The following HDDC2 variants were observed in gnomAD, a reference collection of about 807,000 sequenced individuals.
HDDC2 encodes the protein HD domain containing 2.
HDDC2 carries 25 observed loss-of-function variants against 25.5 expected under a neutral mutation model. The observed-to-expected ratio is 0.98, with a 90% CI of 0.72 to 1.37. The LOEUF (loss-of-function observed/expected upper bound fraction) is 1.37. HDDC2 is among the 40% of genes most tolerant of loss of function. The probability of loss-of-function intolerance (pLI) is 0.00; values close to 1 mark genes in which losing one functional copy is unlikely to be tolerated. For synonymous variants in HDDC2, 106 were observed against 89.7 expected (o/e 1.18, Z -1.03); for missense variants, 264 against 253.1 (o/e 1.04, Z -0.29).
chr6:125,292,733 T>C (rs1222350175), intron 4 of HDDC2, 108 bp downstream of exon 4: 1 of 841,186 alleles, frequency 1.2e-6, no homozygotes, highest in African/African-American at 1.7e-5. Context: ...AACCAGACAG[T>C]AATAAGTTAG....
Position 125,287,077 on chromosome 6 carries a change from C to A in HDDC2, c.378+5764G>T, listed in dbSNP as rs573725390. Among the ~76,000 whole-genome samples the A allele has an allele frequency of 2.6e-5, 4 of 152,230 alleles. No homozygotes were observed. In the East Asian group the frequency reaches 7.7e-4, roughly 29 times the overall value. Reference sequence around the variant, plus strand: ...TAAGAGAACAGAGGAACGTGACCTGCACCACAAGTGTGCAACTGGGAAACT... The same window carrying A: ...TAAGAGAACAGAGGAACGTGACCTGAACCACAAGTGTGCAACTGGGAAACT... On this transcript the variant is annotated intron_variant, in intron 4 of 5. Transcript: ENST00000398153.
In HDDC2 at chr6:125,276,174, G is replaced by A. The variant is rs1798365780; in HGVS notation, c.587C>T (p.Ala196Val). 4 of 1,613,862 alleles carry A rather than the reference G, an allele frequency of 2.5e-6. No homozygotes were observed. Among genetic ancestry groups the A allele is most frequent in the Non-Finnish European group, 3.4e-6 (4 of 1,179,744 alleles). The stretch of plus-strand genomic sequence containing the variant: ...GGAGTGTGGCTCACTGGCAGCTGCA[G>A]CTATGTTAGTGCTTCTTTCTGCCTC... Reference protein sequence around the residue: ...ELEAERSTNIAAAASEPHS With the variant: ...ELEAERSTNIVAAASEPHS Residue 196 changes from alanine to valine, a missense_variant, in exon 6 of 6, where the codon GCT (alanine) becomes GTT (valine). Transcript: ENST00000398153.
chr6:125,301,869 G>A lies in HDDC2; in HGVS notation c.64C>T (p.Arg22Trp). ...HGARSLLQFL[R>W]LVGQLKRVPR... The stretch of plus-strand genomic sequence containing the variant: ...CTCACCTTGAGCTGCCCTACCAGCC[G>A]CAGGAACTGCAGTAGGGACCGAGCC... Residue 22 changes from arginine to tryptophan, a missense_variant, in exon 1 of 6, where the codon CGG (arginine) becomes TGG (tryptophan). Transcript: ENST00000398153. The A allele has an allele frequency of 4.5e-6, 7 of 1,547,850 alleles. No individual in the cohort carries two copies. In the East Asian group the frequency reaches 7.3e-5, roughly 16 times the overall value.
At chr6:125,281,634 T>C (rs1798458413) in intron 4 of HDDC2, among the ~76,000 whole-genome samples, 2 of 151,918 alleles carry the variant, frequency 1.3e-5, no homozygotes, top group South Asian at 4.2e-4. Flanking sequence ...TTTAATGAAA[T>C]AAAGTGTGAA....
chr6:125,287,878 T>C (rs960439447), intron 4 of HDDC2, among the ~76,000 whole-genome samples: 1 of 152,098 alleles, frequency 6.6e-6, no homozygotes, highest in African/African-American at 2.4e-5. Context: ...GCCGCCACAG[T>C]GTCAGGCAGC....
At chr6:125,294,407 GGTA>G (rs1245252808) in intron 3 of HDDC2, among the ~76,000 whole-genome samples, 1 of 152,064 alleles carries the variant, frequency 6.6e-6, no homozygotes, top group Non-Finnish European at 1.5e-5. Flanking sequence ...GTTACAGAGT[GGTA>G]GCATCACACT....
At chr6:125,291,854 C>A (rs1055154198) in intron 4 of HDDC2, among the ~76,000 whole-genome samples, 9 of 152,070 alleles carry the variant, frequency 5.9e-5, no homozygotes, top group African/African-American at 2.2e-4. Context: ...AATGACAGTG[C>A]CATACAGAAT....
chr6:125,281,078 C>T (rs1329985984), intron 4 of HDDC2, among the ~76,000 whole-genome samples: 1 of 152,176 alleles, frequency 6.6e-6, no homozygotes, highest in Non-Finnish European at 1.5e-5. Context: ...CTGGAGTGGA[C>T]CCTCAGCAAA....
chr6:125,277,232 C>T lies in HDDC2; in HGVS notation c.387G>A (p.Glu129=), dbSNP rs766188818. Residue 129 remains glutamate, a synonymous_variant, in exon 5 of 6, where the codon GAG becomes GAA. Transcript: ENST00000398153. ...ATTTGGCTTCTGCACTAGATTGGGT[C>T]TCGTACTCCTAAGTAAAGGGACAAT... ...KELYELWEEY[E]TQSSAEAKFV... 4.0e-5 allele frequency: 65 copies of T among 1,614,014 alleles called. No homozygotes were observed. The highest frequency in any genetic ancestry group is 5.4e-5 in the Non-Finnish European group (64 of 1,179,950).
intron 1 of HDDC2, among the ~76,000 whole-genome samples, chr6:125,301,431 C>T (rs992654190): frequency 8.3e-6 from 1 of 120,056 alleles, no homozygotes; most frequent in Non-Finnish European, 1.7e-5. Flanking sequence ...TGCTCAGAAG[C>T]AGCCGCGCTT....
At chr6:125,293,366 T>C (rs1174558187) in intron 3 of HDDC2, 1 of 206,138 alleles carries the variant, frequency 4.9e-6, no homozygotes, top group African/African-American at 2.3e-5. Flanking sequence ...CATTTTCTAT[T>C]GTTAACATGT....
intron 4 of HDDC2, among the ~76,000 whole-genome samples, chr6:125,279,589 C>T (rs1583048436): frequency 1.3e-5 from 2 of 152,172 alleles, no homozygotes; most frequent in South Asian, 4.1e-4. Context: ...GCTTGCTTAG[C>T]CATTCCACAA....
At chr6:125,297,702 C>T (rs1798725313) in intron 3 of HDDC2, 7 of 393,534 alleles carry the variant, frequency 1.8e-5, no homozygotes, top group Admixed American at 8.8e-5. Context: ...TACTACTCAG[C>T]AATTTAGGAC....
intron 4 of HDDC2, among the ~76,000 whole-genome samples, chr6:125,283,130 G>C (rs896726496): frequency 6.6e-6 from 1 of 152,080 alleles, no homozygotes; most frequent in Non-Finnish European, 1.5e-5. Flanking sequence ...TCATGCTAAA[G>C]ACTCTCAATA....
At position 125,292,918 on chromosome 6, in the gene HDDC2, T is replaced by C. The variant is rs370664774; in HGVS notation, c.310-9A>G. 4 of 1,595,586 alleles carry C rather than the reference T, an allele frequency of 2.5e-6. No individual in the cohort carries two copies. Among genetic ancestry groups the C allele is most frequent in the East Asian group, 2.2e-5 (1 of 44,806 alleles). ...ATCTGCTTCATAGCTTCCTGAAATA[T>C]TAAACCATTATCTTTAATTATATTG... On this transcript the variant is annotated splice_polypyrimidine_tract_variant and intron_variant, in intron 3 of 5. Transcript: ENST00000398153.
intron 4 of HDDC2, among the ~76,000 whole-genome samples, chr6:125,283,467 G>T (rs1298592352): frequency 1.3e-5 from 2 of 152,194 alleles, no homozygotes; most frequent in East Asian, 3.8e-4. Flanking sequence ...CTTCAGCAAA[G>T]CCTCAGGATA....
At chr6:125,286,254 C>T (rs1158190568) in intron 4 of HDDC2, among the ~76,000 whole-genome samples, 1 of 151,996 alleles carries the variant, frequency 6.6e-6, no homozygotes, top group Non-Finnish European at 1.5e-5. Context: ...AGAAGTAAAA[C>T]CAAATGCAGT....
In HDDC2 at chr6:125,301,941, C is replaced by A. The variant is rs1025043100; in HGVS notation, c.-9G>T. On this transcript the variant is annotated 5_prime_UTR_variant, in exon 1 of 6. Coordinates refer to ENST00000398153, the MANE Select transcript of HDDC2 (RefSeq NM_016063.3). ...GAGGAGACCGAAGCCATGCGGCCAC[C>A]GACCCCGGCTGGGCGGAGCAGGCCG... 3 of 1,546,798 alleles carry A rather than the reference C, an allele frequency of 1.9e-6. No individual in the cohort carries two copies. The highest frequency in any genetic ancestry group is 2.4e-5 in the South Asian group (2 of 84,058).
At chr6:125,276,313 T>A in intron 5 of HDDC2, 70 bp from the exon 6 acceptor site, 1 of 1,196,112 alleles carries the variant, frequency 8.4e-7, no homozygotes, top group Non-Finnish European at 1.2e-6. Flanking sequence ...TTCCCCAGCT[T>A]GATCCCAGGG....
Sources: allele counts gnomAD v4.1 joint callset (sites outside exome capture counted in the v4.1 genomes callset), GRCh38; gene constraint gnomAD v4.1.1; transcripts MANE v1.5; gene names NCBI Gene and HGNC (gene_info 2026-07-23, HGNC 2026-07-21).